Variants in FAM162B observed in about 807,000 individuals in gnomAD.
The protein encoded by FAM162B is protein FAM162B.
Under a neutral mutation model 20.0 loss-of-function variants are expected in FAM162B, and 16 were observed. The ratio of observed to expected loss-of-function variants is 0.80; its 90% CI spans 0.54 to 1.21. FAM162B has a LOEUF of 1.21. Ranked by LOEUF, FAM162B falls within the 50% of genes most tolerant of loss-of-function variation. The probability of loss-of-function intolerance (pLI) is 0.00; values close to 1 mark genes in which losing one functional copy is unlikely to be tolerated. For synonymous variants in FAM162B, 83 were observed against 89.7 expected, an observed-to-expected ratio of 0.93 and a Z score of 0.42; for missense variants, 260 against 227.5, an observed-to-expected ratio of 1.14 and a Z score of -0.92.
intron 3 of FAM162B, among the ~76,000 whole-genome samples, chr6:116,753,969 C>T (rs186559664): frequency 6.6e-6 from 1 of 152,258 alleles, no homozygotes; most frequent in Non-Finnish European, 1.5e-5. Context: ...TTTTCATTCC[C>T]AATGCTCTCA....
At chr6:116,753,844 A>C (rs1249032318) in intron 3 of FAM162B, among the ~76,000 whole-genome samples, 3 of 152,182 alleles carry the variant, frequency 2.0e-5, no homozygotes, top group Non-Finnish European at 4.4e-5. Flanking sequence ...TATGAGGTCC[A>C]GGAGAATAGG....
chr6:116,760,165 T>C (rs1429013888), intron 3 of FAM162B, among the ~76,000 whole-genome samples: 2 of 152,244 alleles, frequency 1.3e-5, no homozygotes, highest in African/African-American at 4.8e-5. Context: ...AGTGTATTAA[T>C]GATTTAAAAT....
intron 3 of FAM162B, among the ~76,000 whole-genome samples, chr6:116,760,482 T>C (rs2114551337): frequency 6.6e-6 from 1 of 152,362 alleles, no homozygotes; most frequent in African/African-American, 2.4e-5. Context: ...CTTGTGATTA[T>C]GATTTAAAAA....
At position 116,765,501 on chromosome 6, in the gene FAM162B, C is replaced by G. The variant is rs762917190; in HGVS notation, c.76G>C (p.Glu26Gln). ...GCCGGTGCGGGCCGTCGCGTGGCCT[C>G]GAGAGGCGCCCCGGGGCCGCAGCGG... ...TVRCGPGAPL[E>Q]ATRRPAPALP... The change falls in exon 1 of 4, where the codon GAG becomes CAG. Residue 26 changes from glutamate to glutamine, a missense_variant. Coordinates refer to ENST00000368557, the MANE Select transcript of FAM162B (RefSeq NM_001085480.3). 1 of 1,401,922 alleles carries G rather than the reference C, an allele frequency of 7.1e-7. No individual in the cohort carries two copies. Among genetic ancestry groups the G allele is most frequent in the Non-Finnish European group, 9.2e-7 (1 of 1,084,630 alleles). 86.8% of individuals were successfully genotyped at this position (1,401,922 alleles called of 1,614,324 possible). A position where few individuals can be genotyped will look rare whatever the true frequency, so the allele number is the denominator to read the frequency against.
In FAM162B at chr6:116,752,741, CGT is replaced by C. The variant is rs1491308363; in HGVS notation, c.391-48_391-47del. The C allele has an allele frequency of 1.1e-4, 52 of 471,820 alleles. 1 individual carries two copies. In the South Asian group the frequency reaches 2.1e-3, roughly 19 times the overall value. 29.2% of individuals were successfully genotyped at this position (471,820 alleles called of 1,614,324 possible). A position where few individuals can be genotyped will look rare whatever the true frequency, so the allele number is the denominator to read the frequency against. On this transcript the variant is annotated intron_variant, in intron 3 of 3. Coordinates refer to ENST00000368557, the MANE Select transcript of FAM162B (RefSeq NM_001085480.3). ...ATATATATATATATATATAGATACA[CGT>C]ATATATATATATATACATATATGTA...
chr6:116,761,164 GA>G (rs539856430), intron 3 of FAM162B, among the ~76,000 whole-genome samples: 114 of 152,276 alleles, frequency 7.5e-4, no homozygotes, highest in Admixed American at 1.8e-3. Flanking sequence ...GTATGTGTTA[GA>G]AATGTCAAAA....
At chr6:116,760,816 G>A (rs1373582600) in intron 3 of FAM162B, among the ~76,000 whole-genome samples, 1 of 152,166 alleles carries the variant, frequency 6.6e-6, no homozygotes, top group Admixed American at 6.5e-5. Flanking sequence ...CAGTAGGCTT[G>A]TAAGTCCTAA....
At chr6:116,762,650 T>TA (rs1771817279) in intron 2 of FAM162B, among the ~76,000 whole-genome samples, 1 of 152,176 alleles carries the variant, frequency 6.6e-6, no homozygotes, top group African/African-American at 2.4e-5. Flanking sequence ...AATTTTTTGT[T>TA]AAACGTGATC....
chr6:116,758,417 T>C (rs963849419), intron 3 of FAM162B, among the ~76,000 whole-genome samples: 5 of 152,238 alleles, frequency 3.3e-5, no homozygotes, highest in African/African-American at 4.8e-5. Context: ...ACCCATTTTT[T>C]AAAATAAAAG....
intron 2 of FAM162B, 109 bp from the exon 3 acceptor site, chr6:116,762,194 A>T: frequency 4.9e-6 from 4 of 814,850 alleles, no homozygotes; most frequent in Non-Finnish European, 7.5e-6. Flanking sequence ...CTGAATGCAA[A>T]CTGCATTTGG....
chr6:116,763,763 C>T (rs978174127), intron 2 of FAM162B, among the ~76,000 whole-genome samples: 6 of 140,280 alleles, frequency 4.3e-5, no homozygotes, highest in African/African-American at 1.6e-4. Flanking sequence ...AGGGTGGTGG[C>T]TTACTTATTT....
chr6:116,758,878 A>G (rs78271746), intron 3 of FAM162B, among the ~76,000 whole-genome samples: 2,882 of 151,886 alleles, frequency 0.019, 94 homozygotes, highest in African/African-American at 0.066. Context: ...AGTTCTATTA[A>G]GTTGCCTGTC....
intron 3 of FAM162B, among the ~76,000 whole-genome samples, chr6:116,755,429 A>T (rs1334058744): frequency 1.3e-5 from 2 of 152,236 alleles, no homozygotes; most frequent in Non-Finnish European, 2.9e-5. Context: ...GCAGTAGAAG[A>T]CAAGTTGGAA....
intron 2 of FAM162B, among the ~76,000 whole-genome samples, chr6:116,763,049 A>G (rs1296742552): frequency 2.6e-5 from 4 of 152,086 alleles, no homozygotes; most frequent in Admixed American, 2.0e-4. Context: ...AACTTTTTAA[A>G]TTTTCCACTG....
Position 116,752,674 on chromosome 6 carries a change from A to G in FAM162B, c.412T>C (p.Leu138=), listed in dbSNP as rs1330676249. 3 of 1,579,610 alleles carry G rather than the reference A, an allele frequency of 1.9e-6. No individual in the cohort carries two copies. Among genetic ancestry groups the G allele is most frequent in the Non-Finnish European group, 2.6e-6 (3 of 1,161,380 alleles). Residue 138 remains leucine, a synonymous_variant, in exon 4 of 4, where the codon TTA becomes CTA. Transcript: ENST00000368557. ...AKRAVERHES[L]TSWNLAKKAK... Reference sequence around the variant, plus strand: ...TTCTTTGCCAAGTTCCAACTTGTTAAGGATTCATGTCGTTCTACAGCCTGT... The same window carrying G: ...TTCTTTGCCAAGTTCCAACTTGTTAGGGATTCATGTCGTTCTACAGCCTGT...
intron 3 of FAM162B, among the ~76,000 whole-genome samples, chr6:116,756,498 G>C (rs1311474715): frequency 1.3e-5 from 2 of 152,176 alleles, no homozygotes; most frequent in Non-Finnish European, 2.9e-5. Flanking sequence ...GGTGAAATTA[G>C]AACAAAGTAT....
chr6:116,765,052 T>G, intron 2 of FAM162B, 95 bp downstream of exon 2: 1 of 1,201,048 alleles, frequency 8.3e-7, no homozygotes, highest in Non-Finnish European at 1.2e-6. Context: ...CTGCGGCCGC[T>G]TTCGCTCCTA....
intron 3 of FAM162B, among the ~76,000 whole-genome samples, chr6:116,758,123 G>A (rs974441826): frequency 8.5e-5 from 13 of 152,156 alleles, no homozygotes; most frequent in African/African-American, 3.1e-4. Flanking sequence ...AAAATGGAAT[G>A]GGATCCACGC....
chr6:116,752,379 A>C lies in FAM162B; in HGVS notation c.*218T>G, dbSNP rs144719751. 1.9e-4 allele frequency: 38 copies of C among 195,580 alleles called. No homozygotes were observed. In the East Asian group the frequency reaches 4.1e-3, roughly 21 times the overall value. The allele number at this position is 195,580 out of a possible 1,614,324, so 12.1% of individuals were successfully genotyped here. A position where few individuals can be genotyped will look rare whatever the true frequency, so the allele number is the denominator to read the frequency against. On this transcript the variant is annotated 3_prime_UTR_variant, in exon 4 of 4. Coordinates refer to ENST00000368557, the MANE Select transcript of FAM162B (RefSeq NM_001085480.3). ...GTGGTTACACAGGTGTTCACGACAT[A>C]AATATCTATCAGACTGTATACAGTT...
Sources: gnomAD v4.1 joint callset for allele counts (sites outside exome capture counted in the v4.1 genomes callset) on GRCh38, gnomAD v4.1.1 for gene constraint, MANE v1.5 for transcripts, NCBI Gene and HGNC (gene_info 2026-07-23, HGNC 2026-07-21) for gene names.